Variants in DENND5A observed in about 807,000 individuals in gnomAD.
DENND5A encodes the protein DENN domain containing 5A, also known as DENN domain-containing protein 5A.
In DENND5A, 64 loss-of-function variants were observed where a neutral mutation model predicts 140.3. The ratio of observed to expected loss-of-function variants is 0.46; its 90% CI spans 0.37 to 0.56. The LOEUF is 0.56. Ranked by LOEUF, DENND5A falls within the 20% of genes least tolerant of loss-of-function variation. The pLI is 0.00. For synonymous variants in DENND5A, 605 were observed against 607.7 expected (o/e 1.00, Z 0.07); for missense variants, 1,292 against 1,593.8 (o/e 0.81, Z 3.22).
chr11:9,235,449 A>C (rs1850959783), intron 1 of DENND5A, among the ~76,000 whole-genome samples: 1 of 152,108 alleles, frequency 6.6e-6, no homozygotes, highest in African/African-American at 2.4e-5. Flanking sequence ...ACTGGAGGTC[A>C]GAAGTTCGGG....
chr11:9,203,895 C>T lies in DENND5A; in HGVS notation c.714G>A (p.Leu238=). The T allele has an allele frequency of 6.2e-7, 1 of 1,614,116 alleles. No individual in the cohort carries two copies. Among genetic ancestry groups the T allele is most frequent in the East Asian group, 2.2e-5 (1 of 44,884 alleles). The change falls in exon 4 of 23, where the codon CTG becomes CTA. Residue 238 remains leucine (L), a synonymous_variant. Transcript: ENST00000328194. ...CGTTGTATATGTAGCTCTCAAGGGG[C>T]AGTGGAGGGGGCTGAGGTGAAGTGA... ...QAVTSPQPPP[L]PLESYIYNVL...
intron 1 of DENND5A, among the ~76,000 whole-genome samples, chr11:9,246,186 A>G (rs1353084984): frequency 1.3e-5 from 2 of 152,128 alleles, no homozygotes; most frequent in Non-Finnish European, 2.9e-5. Context: ...AACAATAGCC[A>G]AAGAAGTCAG....
At chr11:9,250,901 A>C (rs1274922287) in intron 1 of DENND5A, among the ~76,000 whole-genome samples, 3 of 152,138 alleles carry the variant, frequency 2.0e-5, no homozygotes, top group Non-Finnish European at 4.4e-5. Context: ...TGGCAGGCTG[A>C]GGCGGGTGGG....
intron 2 of DENND5A, 53 bp downstream of exon 2, chr11:9,207,508 A>T (rs561270599): frequency 7.4e-7 from 1 of 1,347,484 alleles, no homozygotes; most frequent in Admixed American, 1.7e-5. Context: ...GGAGAGATAT[A>T]TGTAAGAACC....
At chr11:9,264,665 T>C (rs1255838657) in intron 1 of DENND5A, among the ~76,000 whole-genome samples, 2 of 152,172 alleles carry the variant, frequency 1.3e-5, no homozygotes, top group Non-Finnish European at 2.9e-5. Flanking sequence ...CTTTCCTTTA[T>C]TTTAAACGAA....
intron 8 of DENND5A, chr11:9,176,707 G>A (rs1848555440): frequency 3.2e-6 from 1 of 311,814 alleles, no homozygotes; most frequent in Non-Finnish European, 6.4e-6. Flanking sequence ...GGGCATCAGA[G>A]AAGGTTTCAT....
chr11:9,174,516 CTT>C (rs575928246), intron 8 of DENND5A, among the ~76,000 whole-genome samples: 9 of 133,774 alleles, frequency 6.7e-5, no homozygotes, highest in South Asian at 2.4e-4. Context: ...AAGGTTATTT[CTT>C]TTTTTTTTTT....
At chr11:9,221,379 C>T (rs966841992) in intron 1 of DENND5A, among the ~76,000 whole-genome samples, 2 of 151,938 alleles carry the variant, frequency 1.3e-5, no homozygotes, top group Non-Finnish European at 2.9e-5. Context: ...TGTAGTGAGC[C>T]GAGATAGCGC....
At position 9,162,376 on chromosome 11, in the gene DENND5A, A is replaced by G. The variant is rs189424759; in HGVS notation, c.2284-1511T>C. Reference sequence around the variant, plus strand: ...AGCCTCAGCCTCCCGAGTAGCTGGGATTACAGGCATGCACCACCACGCCTG... The same window carrying G: ...AGCCTCAGCCTCCCGAGTAGCTGGGGTTACAGGCATGCACCACCACGCCTG... On this transcript the variant is annotated intron_variant, in intron 11 of 22. Coordinates refer to ENST00000328194, the MANE Select transcript of DENND5A (RefSeq NM_015213.4). Among the ~76,000 whole-genome samples, 485 of 151,126 alleles carry G rather than the reference A, an allele frequency of 3.2e-3. 2 individuals carry two copies. Among genetic ancestry groups the G allele is most frequent in the African/African-American group, 0.011 (458 of 41,154 alleles).
intron 1 of DENND5A, among the ~76,000 whole-genome samples, chr11:9,214,369 C>T (rs1850003978): frequency 6.6e-6 from 1 of 152,228 alleles, no homozygotes; most frequent in African/African-American, 2.4e-5. Flanking sequence ...AGAGATTACA[C>T]ATTTCTAATT....
At chr11:9,256,636 CAA>C (rs1851957476) in intron 1 of DENND5A, among the ~76,000 whole-genome samples, 1 of 152,084 alleles carries the variant, frequency 6.6e-6, no homozygotes, top group Non-Finnish European at 1.5e-5. Context: ...AAGCCAGTAA[CAA>C]GAGACCACAC....
chr11:9,254,646 C>T (rs769115387), intron 1 of DENND5A, among the ~76,000 whole-genome samples: 1 of 152,170 alleles, frequency 6.6e-6, no homozygotes, highest in Non-Finnish European at 1.5e-5. Flanking sequence ...TCAACCAGCC[C>T]AGTAGAGGAA....
intron 1 of DENND5A, among the ~76,000 whole-genome samples, chr11:9,208,931 C>T (rs1359221547): frequency 1.3e-5 from 2 of 152,204 alleles, no homozygotes; most frequent in African/African-American, 4.8e-5. Flanking sequence ...GCAGAGCCCA[C>T]CCATGGTAAG....
At chr11:9,174,833 T>C (rs1161343114) in intron 8 of DENND5A, among the ~76,000 whole-genome samples, 4 of 152,056 alleles carry the variant, frequency 2.6e-5, no homozygotes, top group African/African-American at 7.2e-5. Flanking sequence ...ATAAAAACGC[T>C]GAACAAACTA....
At chr11:9,251,687 T>C (rs1851725746) in intron 1 of DENND5A, among the ~76,000 whole-genome samples, 1 of 152,162 alleles carries the variant, frequency 6.6e-6, no homozygotes, top group African/African-American at 2.4e-5. Flanking sequence ...CTTCACTTAG[T>C]AACTTTTAAG....
rs949069927 is a variant in DENND5A at position 9,240,272 on chromosome 11, T to C, written c.109+24689A>G. Among the ~76,000 whole-genome samples, 3 of 152,202 alleles carry C rather than the reference T, an allele frequency of 2.0e-5. No individual in the cohort carries two copies. In the South Asian group the frequency reaches 6.2e-4, roughly 32 times the overall value. ...AACCAGGCGTTGTGGTGAGCACCTGTAATCCCAGCTACTCGTTGAGGCTGA... is the reference window on the plus strand; with the variant it reads ...AACCAGGCGTTGTGGTGAGCACCTGCAATCCCAGCTACTCGTTGAGGCTGA... On this transcript the variant is annotated intron_variant, in intron 1 of 22. Transcript: ENST00000328194.
chr11:9,254,844 G>A (rs1015178303), intron 1 of DENND5A, among the ~76,000 whole-genome samples: 2 of 152,134 alleles, frequency 1.3e-5, no homozygotes, highest in African/African-American at 4.8e-5. Context: ...AGGCCAAGGA[G>A]GGTGGATCAT....
intron 1 of DENND5A, among the ~76,000 whole-genome samples, chr11:9,233,479 T>C (rs1211581427): frequency 6.6e-6 from 1 of 150,862 alleles, no homozygotes; most frequent in East Asian, 1.9e-4. Flanking sequence ...CCAAAAAAGG[T>C]ATGTCCACAT....
chr11:9,169,634 C>T (rs759110787), intron 10 of DENND5A, among the ~76,000 whole-genome samples: 2 of 151,930 alleles, frequency 1.3e-5, no homozygotes, highest in Admixed American at 6.6e-5. Flanking sequence ...AAATTACAAT[C>T]GGTTAGTAGC....
Sources: gnomAD v4.1 joint callset for allele counts (sites outside exome capture counted in the v4.1 genomes callset) on GRCh38, gnomAD v4.1.1 for gene constraint, MANE v1.5 for transcripts, NCBI Gene and HGNC (gene_info 2026-07-23, HGNC 2026-07-21) for gene names.